The following RBM6 variants were observed in gnomAD, a reference collection of about 807,000 sequenced individuals.
The protein encoded by RBM6 is RNA-binding protein 6.
In RBM6, 23 loss-of-function variants were observed where a neutral mutation model predicts 140.4. The observed-to-expected ratio is 0.16, with a 90% CI of 0.12 to 0.23. The LOEUF (loss-of-function observed/expected upper bound fraction) is 0.23, where lower values mean the gene tolerates loss of function less well. RBM6 is among the 10% of genes least tolerant of loss of function. RBM6 has a pLI of 1.00. For missense variants in RBM6, 1,139 were observed against 1,386.7 expected, an observed-to-expected ratio of 0.82 and a Z score of 2.84; for synonymous variants, 439 against 475.6, an observed-to-expected ratio of 0.92 and a Z score of 1.00.
intron 19 of RBM6, among the ~76,000 whole-genome samples, chr3:50,072,580 G>A (rs930012046): frequency 4.6e-5 from 7 of 152,112 alleles, no homozygotes; most frequent in Admixed American, 3.9e-4. Flanking sequence ...AAGTATTTTT[G>A]TATCATGGCC....
chr3:50,054,104 G>T, intron 7 of RBM6: 1 of 472,492 alleles, frequency 2.1e-6, no homozygotes, highest in South Asian at 3.5e-5. Flanking sequence ...AAAGGCATTT[G>T]GGCTGCACCA....
chr3:50,057,974 G>A lies in RBM6; in HGVS notation c.1940G>A (p.Gly647Glu). ...RRDRERESWS[G>E]ETRQDGESKT... ...GACCGAGAGAGGGAGTCATGGTCTG[G>A]AGAGACACGCCAGGATGGAGAGAGC... The change falls in exon 9 of 21, where the codon GGA (glycine) becomes GAA (glutamate). Residue 647 changes from glycine to glutamate, a missense_variant. Around this residue, in one of 9 missense-constraint regions of RBM6, gnomAD observed 109 missense variants for 101.9 expected, o/e 1.07. Coordinates refer to ENST00000266022, the MANE Select transcript of RBM6 (RefSeq NM_005777.3). The A allele has an allele frequency of 6.2e-7, 1 of 1,613,956 alleles. No homozygotes were observed. The highest frequency in any genetic ancestry group is 8.5e-7 in the Non-Finnish European group (1 of 1,180,008).
At chr3:50,018,581 GTTTTTTTTTTTTTT>G (rs58115280) in intron 6 of RBM6, among the ~76,000 whole-genome samples, 96 of 63,568 alleles carry the variant, frequency 1.5e-3, no homozygotes, top group East Asian at 7.6e-3. Flanking sequence ...GTAGGAGTGT[GTTTTTTTTTTTTTT>G]TTTTTTTTTT....
At chr3:50,006,961 A>G (rs898407675) in intron 6 of RBM6, among the ~76,000 whole-genome samples, 1 of 151,152 alleles carries the variant, frequency 6.6e-6, no homozygotes, top group Non-Finnish European at 1.5e-5. Context: ...TGGGGCTGGC[A>G]CAAAGTGAAT....
Position 49,968,388 on chromosome 3 carries a change from G to A in RBM6, c.963G>A (p.Thr321=), listed in dbSNP as rs750804570. ...NRREESTHDH[T]IERPAFGIQK... ...GAGAAGAATCCACACATGACCATACGATAGAAAGGCCTGCTTTTGGCATTC... is the reference window on the plus strand; with the variant it reads ...GAGAAGAATCCACACATGACCATACAATAGAAAGGCCTGCTTTTGGCATTC... The change falls in exon 3 of 21, where the codon ACG becomes ACA. Residue 321 remains threonine (T), a synonymous_variant. Coordinates refer to ENST00000266022, the MANE Select transcript of RBM6 (RefSeq NM_005777.3). 22 of 1,614,130 alleles carry A rather than the reference G, an allele frequency of 1.4e-5. No homozygotes were observed. The Middle Eastern group carries it at 6.6e-4, about 48-fold the overall frequency.
intron 6 of RBM6, among the ~76,000 whole-genome samples, chr3:50,009,085 G>C (rs1014532735): frequency 6.6e-6 from 1 of 152,214 alleles, no homozygotes; most frequent in Non-Finnish European, 1.5e-5. Flanking sequence ...TTGGGATTCA[G>C]AGTTGGCTGA....
intron 5 of RBM6, among the ~76,000 whole-genome samples, chr3:49,977,988 G>C (rs769950623): frequency 3.0e-4 from 45 of 152,068 alleles, no homozygotes; most frequent in Admixed American, 1.9e-3. Flanking sequence ...AATCTTAGTA[G>C]TAACAGTGAC....
chr3:49,966,737 C>T (rs1233218869), intron 2 of RBM6, among the ~76,000 whole-genome samples: 1 of 152,050 alleles, frequency 6.6e-6, no homozygotes, highest in African/African-American at 2.4e-5. Context: ...ATGACTTATA[C>T]ATGCTTTGTG....
At chr3:49,951,933 G>A (rs1481427318) in intron 1 of RBM6, among the ~76,000 whole-genome samples, 3 of 152,074 alleles carry the variant, frequency 2.0e-5, no homozygotes, top group Non-Finnish European at 4.4e-5. Flanking sequence ...ACATTGGTCA[G>A]GCTGGTCTTG....
chr3:50,032,970 A>G (rs2088271435), intron 6 of RBM6, among the ~76,000 whole-genome samples: 2 of 147,718 alleles, frequency 1.4e-5, no homozygotes, highest in South Asian at 4.3e-4. Context: ...GGGCAACAAG[A>G]GCAAAACTCC....
At chr3:50,010,623 C>T (rs2086794589) in intron 6 of RBM6, among the ~76,000 whole-genome samples, 2 of 151,846 alleles carry the variant, frequency 1.3e-5, no homozygotes, top group East Asian at 3.9e-4. Flanking sequence ...TTTTTTAAGG[C>T]CAGGCAGGGT....
chr3:49,946,946 C>T (rs1226572751), intron 1 of RBM6, among the ~76,000 whole-genome samples: 1 of 150,006 alleles, frequency 6.7e-6, no homozygotes, highest in Non-Finnish European at 1.5e-5. Context: ...TGATGTTGAG[C>T]GTCTGTTCAT....
At chr3:49,943,311 A>ATT (rs35154751) in intron 1 of RBM6, among the ~76,000 whole-genome samples, 1 of 150,048 alleles carries the variant, frequency 6.7e-6, no homozygotes, top group African/African-American at 2.4e-5. Context: ...TATTTTATTT[A>ATT]TTTTTTTTTG....
chr3:49,953,047 T>A (rs2083807225), intron 1 of RBM6, among the ~76,000 whole-genome samples: 1 of 140,946 alleles, frequency 7.1e-6, no homozygotes. Flanking sequence ...TGTGCGCAGC[T>A]TACCTTTTCT....
At chr3:50,006,132 CACT>C (rs2086562507) in intron 6 of RBM6, among the ~76,000 whole-genome samples, 3 of 148,512 alleles carry the variant, frequency 2.0e-5, no homozygotes, top group Non-Finnish European at 4.4e-5. Context: ...GCGATTTATC[CACT>C]GATTGAGACT....
At chr3:50,072,486 T>C (rs2090336749) in intron 19 of RBM6, among the ~76,000 whole-genome samples, 1 of 151,634 alleles carries the variant, frequency 6.6e-6, no homozygotes, top group Non-Finnish European at 1.5e-5. Flanking sequence ...AGGGAGATAA[T>C]TGACAGAGCA....
chr3:49,967,487 G>A lies in RBM6; in HGVS notation c.62G>A (p.Arg21Lys), dbSNP rs753074751. 1 of 1,613,356 alleles carries A rather than the reference G, an allele frequency of 6.2e-7. No homozygotes were observed. Among genetic ancestry groups the A allele is most frequent in the African/African-American group, 1.3e-5 (1 of 74,870 alleles). ...TTCTACAGTGGGAGCCAAGAAGAAA[G>A]GTTTGCTCCCGGGTGGAACAGGGAT... ...TGPFRGSQEE[R>K]FAPGWNRDYP... The change falls in exon 3 of 21, where the codon AGG becomes AAG. Residue 21 changes from arginine (R) to lysine (K), a missense_variant. Arg to Lys is a conservative substitution (Grantham distance 26). This residue lies in a region of RBM6 where 566 missense variants were observed against 612.7 expected (regional missense o/e 0.92). Transcript: ENST00000266022. The surrounding 1 kb of genome is among the most constrained non-coding windows in gnomAD (Gnocchi z 4.0).
intron 8 of RBM6, among the ~76,000 whole-genome samples, chr3:50,055,887 G>T (rs2089676149): frequency 6.6e-6 from 1 of 152,130 alleles, no homozygotes; most frequent in Non-Finnish European, 1.5e-5. Flanking sequence ...TTTCAGGTAG[G>T]CAACTTCGAA....
At chr3:50,048,628 G>A (rs2089325599) in intron 7 of RBM6, among the ~76,000 whole-genome samples, 1 of 152,114 alleles carries the variant, frequency 6.6e-6, no homozygotes, top group African/African-American at 2.4e-5. Flanking sequence ...CTCTCCTGGG[G>A]GTGGTCATAA....
Sources: allele counts gnomAD v4.1 joint callset (sites outside exome capture counted in the v4.1 genomes callset), GRCh38; gene constraint gnomAD v4.1.1; regional missense constraint gnomAD v4.1.1; non-coding constraint Gnocchi (gnomAD v3.1); transcripts MANE v1.5; gene names NCBI Gene and HGNC (gene_info 2026-07-23, HGNC 2026-07-21).